FRMD3: variants seen among roughly 807,000 people sequenced by gnomAD.
FRMD3 encodes FERM domain-containing protein 3.
FRMD3 carries 33 observed loss-of-function variants against 70.2 expected under a neutral mutation model. That is an observed-to-expected ratio of 0.47 (90% CI 0.36 to 0.63). The LOEUF (loss-of-function observed/expected upper bound fraction) is 0.63. Ranked by LOEUF, FRMD3 falls within the 20% of genes least tolerant of loss-of-function variation. The pLI is 0.00. For missense variants in FRMD3, 632 were observed against 711.4 expected (o/e 0.89, Z 1.27); for synonymous variants, 279 against 255.9 (o/e 1.09, Z -0.86).
intron 13 of FRMD3, among the ~76,000 whole-genome samples, chr9:83,259,303 C>G (rs1303482751): frequency 1.3e-5 from 2 of 152,092 alleles, no homozygotes; most frequent in African/African-American, 4.8e-5. Context: ...TTAAGTTTTT[C>G]AGGAATACAA....
rs114474918 is a variant in FRMD3, at chr9:83,300,936, C to T, written c.927-1750G>A. Reference sequence around the variant, plus strand: ...AGAGAACAATGGAAAGCCATAGGAACAATCTTTTGCAAAGAAGCCCCTTCC... The same window carrying T: ...AGAGAACAATGGAAAGCCATAGGAATAATCTTTTGCAAAGAAGCCCCTTCC... On this transcript the variant is annotated intron_variant, in intron 10 of 13. Transcript: ENST00000304195. Among the ~76,000 whole-genome samples the T allele has an allele frequency of 2.7e-3, 415 of 152,290 alleles. 4 individuals are homozygous for T. The highest frequency in any genetic ancestry group is 9.2e-3 in the African/African-American group (383 of 41,568).
intron 3 of FRMD3, among the ~76,000 whole-genome samples, chr9:83,369,616 AT>A (rs1824905527): frequency 6.7e-6 from 1 of 148,348 alleles, no homozygotes; most frequent in South Asian, 2.1e-4. Flanking sequence ...AAATAAATAA[AT>A]AAATAAAATA....
chr9:83,262,129 C>G (rs1279053848), intron 13 of FRMD3, among the ~76,000 whole-genome samples: 1 of 152,112 alleles, frequency 6.6e-6, no homozygotes, highest in Non-Finnish European at 1.5e-5. Context: ...TTGGAAAATC[C>G]ATGTTGCTGA....
At chr9:83,322,038 G>A (rs146621953) in intron 6 of FRMD3, among the ~76,000 whole-genome samples, 10 of 152,052 alleles carry the variant, frequency 6.6e-5, no homozygotes, top group Non-Finnish European at 1.0e-4. Flanking sequence ...ACTTGAACTC[G>A]GCCCACGGTG....
intron 1 of FRMD3, among the ~76,000 whole-genome samples, chr9:83,462,366 C>A (rs1828000610): frequency 6.6e-6 from 1 of 152,182 alleles, no homozygotes; most frequent in Non-Finnish European, 1.5e-5. Flanking sequence ...ATCAAGGAGG[C>A]CCCTGGGGGT....
intron 3 of FRMD3, among the ~76,000 whole-genome samples, chr9:83,356,922 C>T (rs980505073): frequency 5.9e-5 from 9 of 151,510 alleles, no homozygotes; most frequent in Middle Eastern, 3.4e-3. Context: ...CCCCAAAGTC[C>T]GTCATATCAT....
At chr9:83,267,221 G>T in intron 13 of FRMD3, 1 of 1,544,202 alleles carries the variant, frequency 6.5e-7, no homozygotes, top group South Asian at 1.2e-5. Context: ...TGTTTTAAAG[G>T]ACCTAGGCAG....
At chr9:83,561,757 C>A in the FRMD3 span, among the ~76,000 whole-genome samples, 1 of 152,168 alleles carries the variant, frequency 6.6e-6, no homozygotes, top group African/African-American at 2.4e-5. Context: ...TCATGGAAAA[C>A]CCTGACATGA....
intron 1 of FRMD3, among the ~76,000 whole-genome samples, chr9:83,526,075 C>T (rs1431688447): frequency 6.6e-6 from 1 of 152,190 alleles, no homozygotes; most frequent in Non-Finnish European, 1.5e-5. Context: ...AGACGCCCTA[C>T]AGGCACTTCA....
At chr9:83,437,542 G>A (rs923149671) in intron 1 of FRMD3, among the ~76,000 whole-genome samples, 3 of 152,162 alleles carry the variant, frequency 2.0e-5, no homozygotes, top group African/African-American at 7.2e-5. Flanking sequence ...TCTGAAGTCT[G>A]AGCTTTAAAA....
chr9:83,281,731 T>TTTCCCCTGC (rs748469373), intron 13 of FRMD3: 3 of 152,380 alleles, frequency 2.0e-5, no homozygotes, highest in Admixed American at 6.5e-5. Flanking sequence ...GAGCTTCCTG[T>TTTCCCCTGC]GGGAAGTCTG....
At chr9:83,478,012 C>A (rs1161208737) in intron 1 of FRMD3, among the ~76,000 whole-genome samples, 1 of 152,220 alleles carries the variant, frequency 6.6e-6, no homozygotes, top group Non-Finnish European at 1.5e-5. Flanking sequence ...TTTAGACAAA[C>A]TTCCATTGAA....
chr9:83,389,691 C>A lies in FRMD3; in HGVS notation c.165G>T (p.Gln55His). Residue 55 changes from glutamine (Q) to histidine (H), a missense_variant, in exon 2 of 14, where the codon CAG (glutamine) becomes CAT (histidine). By Grantham distance (24) the Gln-to-His change is conservative. Coordinates refer to ENST00000304195, the MANE Select transcript of FRMD3 (RefSeq NM_174938.6). ...SCHIQRETKGQFLIDHICNYY... is the reference protein window; with the variant it reads ...SCHIQRETKGHFLIDHICNYY... Reference sequence around the variant, plus strand: ...AGTTGCAGATGTGGTCAATGAGAAACTGCCCTTTGGTTTCCCTCTGCAAAG... The same window carrying A: ...AGTTGCAGATGTGGTCAATGAGAAAATGCCCTTTGGTTTCCCTCTGCAAAG... The A allele has an allele frequency of 6.2e-7, 1 of 1,613,710 alleles. No individual in the cohort carries two copies. The highest frequency in any genetic ancestry group is 8.5e-7 in the Non-Finnish European group (1 of 1,179,654).
At chr9:83,363,823 G>A (rs922854298) in intron 3 of FRMD3, among the ~76,000 whole-genome samples, 1 of 152,070 alleles carries the variant, frequency 6.6e-6, no homozygotes. Flanking sequence ...CAAAGTACTG[G>A]GATTACAGGC....
intron 1 of FRMD3, among the ~76,000 whole-genome samples, chr9:83,393,924 G>T (rs978741811): frequency 1.7e-5 from 2 of 120,748 alleles, no homozygotes; most frequent in Non-Finnish European, 3.5e-5. Flanking sequence ...GTGTGTTTTT[G>T]ATTTTGTTTT....
chr9:83,514,656 C>T (rs1017954472), intron 1 of FRMD3, among the ~76,000 whole-genome samples: 1 of 152,198 alleles, frequency 6.6e-6, no homozygotes, highest in Admixed American at 6.5e-5. Flanking sequence ...GACCCCCATG[C>T]CTACTGATGG....
chr9:83,349,666 A>C lies in FRMD3; in HGVS notation c.374+13T>G. On this transcript the variant is annotated intron_variant, in intron 4 of 13. Transcript: ENST00000304195. ...AAAGGTGCACGTTAAACATACAAAC[A>C]AACAAAAAATACCTTGTGAGCTCTT... 1.3e-6 allele frequency: 2 copies of C among 1,598,296 alleles called. No homozygotes were observed. Among genetic ancestry groups the C allele is most frequent in the Non-Finnish European group, 1.7e-6 (2 of 1,167,992 alleles).
the FRMD3 span, among the ~76,000 whole-genome samples, chr9:83,574,730 A>G: frequency 3.9e-5 from 6 of 152,108 alleles, no homozygotes; most frequent in East Asian, 1.9e-4. Context: ...CTAAGGCTCT[A>G]TTTTGGTCCA....
chr9:83,314,453 T>C (rs1481660860), intron 6 of FRMD3, among the ~76,000 whole-genome samples: 2 of 152,256 alleles, frequency 1.3e-5, no homozygotes, highest in Non-Finnish European at 2.9e-5. Flanking sequence ...AGGATATTTA[T>C]GTAATTCTAG....
Sources: allele counts gnomAD v4.1 joint callset (sites outside exome capture counted in the v4.1 genomes callset), GRCh38; gene constraint gnomAD v4.1.1; transcripts MANE v1.5; gene names NCBI Gene and HGNC (gene_info 2026-07-23, HGNC 2026-07-21).